The following CFAP144 variants were observed in gnomAD, a reference collection of about 807,000 sequenced individuals.
CFAP144 encodes cilia- and flagella-associated protein 144.
the CFAP144 span, among the ~76,000 whole-genome samples, chr1:43,149,895 G>A: frequency 5.0e-4 from 76 of 152,240 alleles, no homozygotes; most frequent in African/African-American, 1.8e-3. Context: ...GGAGACCACT[G>A]GTTTCTACTG....
At chr1:43,148,987 C>T in the CFAP144 span, among the ~76,000 whole-genome samples, 1 of 152,188 alleles carries the variant, frequency 6.6e-6, no homozygotes, top group Non-Finnish European at 1.5e-5. Context: ...CAAACAGCCT[C>T]TGCCTGCATC....
the CFAP144 span, among the ~76,000 whole-genome samples, chr1:43,155,948 T>C: frequency 7.6e-4 from 116 of 152,378 alleles, no homozygotes; most frequent in Non-Finnish European, 3.7e-4. Flanking sequence ...ATACCTAGCA[T>C]GCGCTGGGTC....
the CFAP144 span, chr1:43,148,129 G>T: frequency 6.3e-7 from 1 of 1,592,172 alleles, no homozygotes. Flanking sequence ...GCGGGAGGGC[G>T]CCGGGGAAGG....
chr1:43,155,689 C>T, the CFAP144 span, among the ~76,000 whole-genome samples: 1 of 152,244 alleles, frequency 6.6e-6, no homozygotes, highest in Non-Finnish European at 1.5e-5. Context: ...TTGAAGCTCC[C>T]TGCCCCCTGG....
the CFAP144 span, among the ~76,000 whole-genome samples, chr1:43,154,817 T>G: frequency 6.6e-6 from 1 of 152,134 alleles, no homozygotes; most frequent in Non-Finnish European, 1.5e-5. Context: ...CATGGGCAAG[T>G]GCGACTGTGT....
the CFAP144 span, among the ~76,000 whole-genome samples, chr1:43,146,479 T>TCA: frequency 1.3e-5 from 2 of 152,154 alleles, no homozygotes; most frequent in South Asian, 4.1e-4. Flanking sequence ...TAAATGAAAA[T>TCA]TAAGAAGCAA....
the CFAP144 span, among the ~76,000 whole-genome samples, chr1:43,148,283 C>T: frequency 2.6e-5 from 4 of 151,908 alleles, no homozygotes; most frequent in Admixed American, 1.3e-4. Flanking sequence ...AAAGTTCATG[C>T]GCAACACGAT....
the CFAP144 span, among the ~76,000 whole-genome samples, chr1:43,144,357 T>G: frequency 3.1e-3 from 469 of 152,302 alleles, 3 homozygotes; most frequent in Non-Finnish European, 4.4e-3. Context: ...TAGGGGATGA[T>G]GTGAGGGCTG....
At chr1:43,146,473 T>C in the CFAP144 span, among the ~76,000 whole-genome samples, 36,987 of 152,066 alleles carry the variant, frequency 0.24, 5,013 homozygotes, top group Non-Finnish European at 0.3. Context: ...ATGTCTTAAA[T>C]GAAAATTAAG....
the CFAP144 span, chr1:43,147,700 G>A: frequency 1.1e-6 from 1 of 899,308 alleles, no homozygotes; most frequent in Non-Finnish European, 1.3e-6. Context: ...AGCCGGGCCT[G>A]AGGAGCTGGG....
At chr1:43,152,730 C>T in the CFAP144 span, 1 of 1,319,578 alleles carries the variant, frequency 7.6e-7, no homozygotes, top group Non-Finnish European at 1.0e-6. Flanking sequence ...GGCACAGATG[C>T]TCTGCCTGAA....
the CFAP144 span, among the ~76,000 whole-genome samples, chr1:43,143,704 T>A: frequency 6.6e-6 from 1 of 152,204 alleles, no homozygotes; most frequent in Non-Finnish European, 1.5e-5. Context: ...CCTACGTTTA[T>A]GGTTCCAGTT....
At chr1:43,156,235 G>A in the CFAP144 span, 1 of 1,613,946 alleles carries the variant, frequency 6.2e-7, no homozygotes, top group Non-Finnish European at 8.5e-7. Flanking sequence ...ACCGCAGGCT[G>A]AATCACTTCA....
chr1:43,152,869 A>G, the CFAP144 span: 1 of 1,613,498 alleles, frequency 6.2e-7, no homozygotes, highest in Non-Finnish European at 8.5e-7. Flanking sequence ...CCAGGGACCA[A>G]GGAAGAAGTA....
the CFAP144 span, chr1:43,152,867 C>A: frequency 6.2e-6 from 10 of 1,613,210 alleles, no homozygotes; most frequent in African/African-American, 1.3e-5. Context: ...GCCCAGGGAC[C>A]AAGGAAGAAG....
At chr1:43,154,251 TTAAA>T in the CFAP144 span, among the ~76,000 whole-genome samples, 1 of 143,732 alleles carries the variant, frequency 7.0e-6, no homozygotes, top group African/African-American at 2.5e-5. Context: ...ATATAAAATA[TTAAA>T]TAAAATTTTA....
chr1:43,155,365 A>G, the CFAP144 span, among the ~76,000 whole-genome samples: 1 of 152,246 alleles, frequency 6.6e-6, no homozygotes, highest in East Asian at 1.9e-4. Context: ...CTTCCAGGAC[A>G]TCTCGTGCAG....
the CFAP144 span, among the ~76,000 whole-genome samples, chr1:43,148,532 TG>T: frequency 2.0e-5 from 3 of 152,148 alleles, no homozygotes; most frequent in Non-Finnish European, 4.4e-5. Flanking sequence ...TTGGGCAGTT[TG>T]TTCTGTCCTG....
chr1:43,146,067 C>T, the CFAP144 span, among the ~76,000 whole-genome samples: 1 of 152,182 alleles, frequency 6.6e-6, no homozygotes, highest in Non-Finnish European at 1.5e-5. Context: ...CCTCACACTG[C>T]ACTCGAAAAC....
Sources: allele counts gnomAD v4.1 joint callset (sites outside exome capture counted in the v4.1 genomes callset), GRCh38; gene constraint gnomAD v4.1.1; transcripts MANE v1.5; gene names NCBI Gene and HGNC (gene_info 2026-07-23, HGNC 2026-07-21).